The following IFRD1 variants were observed in gnomAD, a reference collection of about 807,000 sequenced individuals.
The protein encoded by IFRD1 is interferon related developmental regulator 1.
A neutral mutation model predicts 52.9 loss-of-function variants in IFRD1; 35 were observed. The ratio of observed to expected loss-of-function variants is 0.66; its 90% CI spans 0.51 to 0.88. The LOEUF is 0.88. Among genes scored for constraint, IFRD1 ranks in the 40% least tolerant of loss-of-function variants. The probability of loss-of-function intolerance (pLI) is 0.00; values close to 1 mark genes in which losing one functional copy is unlikely to be tolerated. For missense variants in IFRD1, 517 were observed against 550.8 expected, an observed-to-expected ratio of 0.94 and a Z score of 0.61; for synonymous variants, 184 against 188.4, an observed-to-expected ratio of 0.98 and a Z score of 0.19.
chr7:112,470,593 A>G (rs973119084), intron 9 of IFRD1, among the ~76,000 whole-genome samples: 16 of 152,172 alleles, frequency 1.1e-4, no homozygotes, highest in African/African-American at 3.9e-4. Flanking sequence ...ATTTATGGAG[A>G]AGGAACCTGT....
At position 112,476,523 on chromosome 7, in the gene IFRD1, G is replaced by A. The variant is rs1795907895; in HGVS notation, c.*1004G>A. 3 of 152,098 alleles carry A rather than the reference G, an allele frequency of 2.0e-5. No individual in the cohort carries two copies. In the South Asian group the frequency reaches 6.2e-4, roughly 32 times the overall value. 9.4% of individuals were successfully genotyped at this position (152,098 alleles called of 1,614,324 possible). On this transcript the variant is annotated 3_prime_UTR_variant, in exon 12 of 12. Transcript: ENST00000403825. The stretch of plus-strand genomic sequence containing the variant: ...AAATTTAAAAAATGAGTGTGGTGGT[G>A]TGTGCTTCTACTCTTTATCTACTTG...
intron 1 of IFRD1, among the ~76,000 whole-genome samples, chr7:112,441,277 A>AAAAAACAAAAACAAAAAC (rs150721531): frequency 6.6e-6 from 1 of 151,128 alleles, no homozygotes. Context: ...CCTGTCTTAA[A>AAAAAACAAAAACAAAAAC]AAAAACAAAA....
chr7:112,458,843 T>C lies in IFRD1; in HGVS notation c.410-18T>C. ...TACTGAAAAGACTATCGTGATTGCA[T>C]CTTGGCTGCTTTTATAGGTAAGAGT... On this transcript the variant is annotated intron_variant, in intron 4 of 11. Coordinates refer to ENST00000403825, the MANE Select transcript of IFRD1 (RefSeq NM_001550.4). 2 of 1,612,756 alleles carry C rather than the reference T, an allele frequency of 1.2e-6. No homozygotes were observed. Among genetic ancestry groups the C allele is most frequent in the African/African-American group, 1.3e-5 (1 of 75,030 alleles).
At chr7:112,474,832 T>C (rs1349303899) in intron 11 of IFRD1, among the ~76,000 whole-genome samples, 3 of 132,960 alleles carry the variant, frequency 2.3e-5, no homozygotes, top group African/African-American at 8.1e-5. Flanking sequence ...AGTCATGATT[T>C]GTCTTTTCTT....
chr7:112,450,742 C>T lies in IFRD1; in HGVS notation c.54C>T (p.Gly18=), dbSNP rs756025418. 35 of 1,612,286 alleles carry T rather than the reference C, an allele frequency of 2.2e-5. No individual in the cohort carries two copies. Among genetic ancestry groups the T allele is most frequent in the Non-Finnish European group, 2.8e-5 (33 of 1,179,710 alleles). The change falls in exon 1 of 12, where the codon GGC becomes GGT. Residue 18 remains glycine, a synonymous_variant. Coordinates refer to ENST00000403825, the MANE Select transcript of IFRD1 (RefSeq NM_001550.4). Reference sequence around the variant, plus strand: ...CCCACCGCGGTAGCAGTGCTGGCGGCGGCGGGTCAGGAGCAGCCGCAGCGA... The same window carrying T: ...CCCACCGCGGTAGCAGTGCTGGCGGTGGCGGGTCAGGAGCAGCCGCAGCGA... ...NTPHRGSSAG[G]GGSGAAAATA...
At chr7:112,443,386 C>T (rs1794941811) in intron 1 of IFRD1, among the ~76,000 whole-genome samples, 1 of 148,270 alleles carries the variant, frequency 6.7e-6, no homozygotes, top group South Asian at 2.1e-4. Context: ...CCAGCCTAGG[C>T]AACACAGCAA....
At chr7:112,431,768 G>A (rs923433152) in intron 1 of IFRD1, among the ~76,000 whole-genome samples, 4 of 152,266 alleles carry the variant, frequency 2.6e-5, no homozygotes, top group Middle Eastern at 3.4e-3. Context: ...TAAAGAAAGG[G>A]GCTACCAAGT....
chr7:112,466,577 C>T (rs1338264092), intron 8 of IFRD1, among the ~76,000 whole-genome samples: 1 of 152,084 alleles, frequency 6.6e-6, no homozygotes. Context: ...ATGTCTCAGA[C>T]ATAGTCAGAT....
In IFRD1 at chr7:112,450,773, G is replaced by A; in HGVS notation, c.85G>A (p.Ala29Thr). ...GGSGAAAATA[A>T]TAGGQHRNVQ... ...GTCAGGAGCAGCCGCAGCGACGGCG[G>A]CGACAGCAGGTAAGGGGTATCCCCG... Residue 29 changes from alanine to threonine, a missense_variant, in exon 1 of 12, where the codon GCG becomes ACG. Transcript: ENST00000403825. The A allele has an allele frequency of 6.2e-7, 1 of 1,611,684 alleles. No individual in the cohort carries two copies. Among genetic ancestry groups the A allele is most frequent in the Non-Finnish European group, 8.5e-7 (1 of 1,178,966 alleles).
At chr7:112,458,803 C>T (rs1795356308) in intron 4 of IFRD1, 58 bp from the exon 5 acceptor site, 1 of 1,495,062 alleles carries the variant, frequency 6.7e-7, no homozygotes, top group Admixed American at 1.7e-5. Context: ...AAATAACTGT[C>T]TTAGTAAGTT....
intron 1 of IFRD1, among the ~76,000 whole-genome samples, chr7:112,439,879 G>A (rs991445399): frequency 1.3e-5 from 2 of 152,168 alleles, no homozygotes; most frequent in Non-Finnish European, 2.9e-5. Context: ...ATGGCCCCTC[G>A]AAGGAGGTTG....
At chr7:112,426,663 G>A (rs1794433068) in intron 1 of IFRD1, among the ~76,000 whole-genome samples, 1 of 152,060 alleles carries the variant, frequency 6.6e-6, no homozygotes, top group African/African-American at 2.4e-5. Context: ...TGGGAAGTGG[G>A]ATCCACACAT....
intron 8 of IFRD1, among the ~76,000 whole-genome samples, chr7:112,466,284 T>G (rs191824952): frequency 3.3e-5 from 5 of 152,112 alleles, no homozygotes; most frequent in Admixed American, 2.6e-4. Context: ...GTATATAGAG[T>G]CTTTTTTCTA....
At chr7:112,452,155 C>CTTTTT (rs11299789) in intron 1 of IFRD1, 1 of 703,840 alleles carries the variant, frequency 1.4e-6, no homozygotes. Context: ...ATTGAGGATA[C>CTTTTT]TTTTTTTTTT....
At chr7:112,452,438 G>A (rs569957754) in intron 1 of IFRD1, 2 of 982,912 alleles carry the variant, frequency 2.0e-6, no homozygotes, top group East Asian at 1.1e-4. Context: ...ACGGTGCCTG[G>A]TCTGAGGATA....
At chr7:112,463,895 C>CACACACA (rs1491384023) in intron 8 of IFRD1, among the ~76,000 whole-genome samples, 4 of 9,384 alleles carry the variant, frequency 4.3e-4, no homozygotes, top group African/African-American at 2.6e-3. Flanking sequence ...CACACACACA[C>CACACACA]CCCACGTATC....
rs571489574 is a variant in IFRD1 at position 112,469,447 on chromosome 7, C to T, written c.1041+1332C>T. On this transcript the variant is annotated intron_variant, in intron 9 of 11. Coordinates refer to ENST00000403825, the MANE Select transcript of IFRD1 (RefSeq NM_001550.4). ...CTAAAAAACAAAAAAACCCCTAACT[C>T]GAGCAAATATCAATATTAAGAATTA... Among the ~76,000 whole-genome samples, 12 of 152,152 alleles carry T rather than the reference C, an allele frequency of 7.9e-5. No individual in the cohort carries two copies. In the East Asian group the frequency reaches 1.7e-3, roughly 22 times the overall value.
At position 112,445,253 on chromosome 7, in the gene IFRD1, A is replaced by C. The variant is rs546059828; in HGVS notation, c.-181-5255A>C. Among the ~76,000 whole-genome samples the C allele has an allele frequency of 2.0e-4, 31 of 151,968 alleles. No individual in the cohort carries two copies. In the South Asian group the frequency reaches 6.0e-3, roughly 30 times the overall value. ...GGCTAATTTTTTATATTTTTAGTAG[A>C]GACGGGGTTTCACCGTGTTAGCCAG... On this transcript the variant is annotated intron_variant, in intron 1 of 12. Transcript: ENST00000005558.
Position 112,431,421 on chromosome 7 carries a change from T to C in IFRD1, c.-182+7989T>C, listed in dbSNP as rs188372148. Among the ~76,000 whole-genome samples, 301 of 152,332 alleles carry C rather than the reference T, an allele frequency of 2.0e-3. 1 individual carries two copies. The highest frequency in any genetic ancestry group is 6.9e-3 in the African/African-American group (286 of 41,576). ...TATGGAGTCTACTCTCTTATCTGTG[T>C]TGGAGAACATGAATGACATGCATCA... On this transcript the variant is annotated intron_variant, in intron 1 of 12. Transcript: ENST00000005558.
Sources: gnomAD v4.1 joint callset for allele counts (sites outside exome capture counted in the v4.1 genomes callset) on GRCh38, gnomAD v4.1.1 for gene constraint, MANE v1.5 for transcripts, NCBI Gene and HGNC (gene_info 2026-07-23, HGNC 2026-07-21) for gene names.